The following LRRC7 variants were observed in gnomAD, a reference collection of about 807,000 sequenced individuals.
The protein encoded by LRRC7 is leucine-rich repeat-containing protein 7.
LRRC7 carries 23 observed loss-of-function variants against 175.7 expected under a neutral mutation model. That is an observed-to-expected ratio of 0.13 (90% confidence interval 0.09 to 0.19). The LOEUF is 0.19. Among genes scored for constraint, LRRC7 ranks in the 10% least tolerant of loss-of-function variants. The probability of loss-of-function intolerance (pLI) is 1.00; values close to 1 mark genes in which losing one functional copy is unlikely to be tolerated. For missense variants in LRRC7, 1,354 were observed against 1,904.7 expected, an observed-to-expected ratio of 0.71 and a Z score of 5.38; for synonymous variants, 685 against 680.9, an observed-to-expected ratio of 1.01 and a Z score of -0.09.
intron 3 of LRRC7, among the ~76,000 whole-genome samples, chr1:69,781,907 GAAA>G (rs1441692387): frequency 1.1e-5 from 1 of 92,930 alleles, no homozygotes; most frequent in Non-Finnish European, 2.2e-5. Context: ...GGGAAAGAAA[GAAA>G]AAGAAGAAAG....
At chr1:69,783,352 G>A (rs946528283) in intron 3 of LRRC7, among the ~76,000 whole-genome samples, 1 of 152,188 alleles carries the variant, frequency 6.6e-6, no homozygotes, top group African/African-American at 2.4e-5. Flanking sequence ...TAGACAAATA[G>A]ACCAGTAGGC....
chr1:69,802,313 G>GGT (rs1018736419), intron 4 of LRRC7, among the ~76,000 whole-genome samples: 2 of 151,410 alleles, frequency 1.3e-5, no homozygotes, highest in African/African-American at 4.8e-5. Context: ...TTGTGAGTGA[G>GGT]GTGTTGAAGT....
At chr1:69,596,716 T>C (rs1197117949) in intron 1 of LRRC7, among the ~76,000 whole-genome samples, 2 of 152,242 alleles carry the variant, frequency 1.3e-5, no homozygotes, top group Admixed American at 1.3e-4. Flanking sequence ...GAATTAAAAC[T>C]TACTTTTAAA....
chr1:70,028,809 G>A (rs532890972), intron 18 of LRRC7, among the ~76,000 whole-genome samples: 209 of 152,072 alleles, frequency 1.4e-3, no homozygotes, highest in African/African-American at 4.9e-3. Flanking sequence ...AACTTTTCTA[G>A]GAAACACCGA....
At chr1:69,802,011 A>G (rs1676569553) in intron 4 of LRRC7, among the ~76,000 whole-genome samples, 1 of 150,296 alleles carries the variant, frequency 6.7e-6, no homozygotes, top group Admixed American at 6.6e-5. Flanking sequence ...TTTAATTTCC[A>G]TTTATTTGTG....
At chr1:69,717,025 T>G (rs1328429606) in intron 2 of LRRC7, among the ~76,000 whole-genome samples, 1 of 151,664 alleles carries the variant, frequency 6.6e-6, no homozygotes, top group East Asian at 1.9e-4. Flanking sequence ...GAACTAAGTT[T>G]GCAAATAAAA....
chr1:69,698,945 T>C (rs1000782597), intron 2 of LRRC7, among the ~76,000 whole-genome samples: 15 of 150,064 alleles, frequency 1.0e-4, no homozygotes, highest in Admixed American at 1.3e-4. Context: ...CTTTAAGCTA[T>C]AAAGTATAGT....
At chr1:69,887,401 T>G (rs1167646055) in intron 7 of LRRC7, among the ~76,000 whole-genome samples, 1 of 142,150 alleles carries the variant, frequency 7.0e-6, no homozygotes, top group Non-Finnish European at 1.5e-5. Context: ...TTCTTCCAGT[T>G]GATCGCATTG....
At chr1:69,886,779 C>T (rs1179583482) in intron 7 of LRRC7, among the ~76,000 whole-genome samples, 73 of 150,702 alleles carry the variant, frequency 4.8e-4, no homozygotes, top group African/African-American at 1.4e-3. Context: ...CCATGTTTAG[C>T]GCTTCCTTCA....
At chr1:70,067,690 A>G (rs1324119589) in intron 23 of LRRC7, among the ~76,000 whole-genome samples, 2 of 152,108 alleles carry the variant, frequency 1.3e-5, no homozygotes, top group Non-Finnish European at 2.9e-5. Context: ...TAAGAATTAA[A>G]CTGGTATATC....
intron 13 of LRRC7, among the ~76,000 whole-genome samples, chr1:70,013,694 A>C (rs886185280): frequency 6.6e-6 from 1 of 151,990 alleles, no homozygotes; most frequent in Non-Finnish European, 1.5e-5. Flanking sequence ...CACCTACTCT[A>C]TAAAAGATAA....
chr1:70,058,382 A>G (rs181478688), intron 23 of LRRC7, among the ~76,000 whole-genome samples: 70 of 152,292 alleles, frequency 4.6e-4, no homozygotes, highest in African/African-American at 1.6e-3. Flanking sequence ...TTTTATAGCT[A>G]TGTAAATCTG....
In LRRC7 at chr1:70,124,555, A is replaced by G. The variant is rs189128258; in HGVS notation, c.*2668A>G. Among the ~76,000 whole-genome samples, 48 of 152,298 alleles carry G rather than the reference A, an allele frequency of 3.2e-4. No homozygotes were observed. Among genetic ancestry groups the G allele is most frequent in the Middle Eastern group, 3.4e-3 (1 of 294 alleles). On this transcript the variant is annotated 3_prime_UTR_variant, in exon 27 of 27. Coordinates refer to ENST00000651989, the MANE Select transcript of LRRC7 (RefSeq NM_001370785.2). Reference sequence around the variant, plus strand: ...AAATAAATAAATTATTTATTTAAGTAGAAAAGAGGCAATTTTTTTTAGGTT... The same window carrying G: ...AAATAAATAAATTATTTATTTAAGTGGAAAAGAGGCAATTTTTTTTAGGTT...
At chr1:69,568,712 G>T (rs879480040) in intron 1 of LRRC7, 71 bp downstream of exon 1, 4 of 1,209,230 alleles carry the variant, frequency 3.3e-6, no homozygotes, top group Non-Finnish European at 4.3e-6. Flanking sequence ...GTAGGCGCGC[G>T]AGGTGTGGGA....
intron 2 of LRRC7, among the ~76,000 whole-genome samples, chr1:69,736,857 T>C (rs1668170863): frequency 6.6e-6 from 1 of 152,154 alleles, no homozygotes; most frequent in African/African-American, 2.4e-5. Flanking sequence ...ACACTGCCTT[T>C]GATATTATTA....
chr1:69,939,281 G>A (rs969249067), intron 8 of LRRC7, among the ~76,000 whole-genome samples: 2 of 151,790 alleles, frequency 1.3e-5, no homozygotes, highest in Non-Finnish European at 2.9e-5. Flanking sequence ...TTGAAAAGGT[G>A]AAATTGGGTC....
chr1:69,831,723 C>T (rs1288431782), intron 5 of LRRC7, among the ~76,000 whole-genome samples: 4 of 152,044 alleles, frequency 2.6e-5, no homozygotes, highest in Non-Finnish European at 5.9e-5. Flanking sequence ...CCACAGAATT[C>T]AACTCCAAAA....
At chr1:69,975,453 G>A (rs563544254) in intron 8 of LRRC7, among the ~76,000 whole-genome samples, 6 of 151,878 alleles carry the variant, frequency 4.0e-5, no homozygotes, top group Admixed American at 2.6e-4. Context: ...CTGTCCCCTC[G>A]CTCCTGCTAC....
intron 22 of LRRC7, among the ~76,000 whole-genome samples, chr1:70,050,753 G>A (rs1473307601): frequency 6.6e-6 from 1 of 151,886 alleles, no homozygotes; most frequent in African/African-American, 2.4e-5. Flanking sequence ...ACTCCTTTGG[G>A]AAAGAATATG....
Sources: allele counts gnomAD v4.1 joint callset (sites outside exome capture counted in the v4.1 genomes callset), GRCh38; gene constraint gnomAD v4.1.1; transcripts MANE v1.5; gene names NCBI Gene and HGNC (gene_info 2026-07-23, HGNC 2026-07-21).